The following PARN variants were observed in gnomAD, a reference collection of about 807,000 sequenced individuals.
PARN encodes poly(A)-specific ribonuclease.
Under a neutral mutation model 102.8 loss-of-function variants are expected in PARN, and 71 were observed. That is an observed-to-expected ratio of 0.69 (90% CI 0.57 to 0.84). The LOEUF (loss-of-function observed/expected upper bound fraction) is 0.84. Among genes scored for constraint, PARN ranks in the 40% least tolerant of loss-of-function variants. The pLI is 0.00. For missense variants in PARN, 782 were observed against 760.9 expected, an observed-to-expected ratio of 1.03 and a Z score of -0.33; for synonymous variants, 261 against 252.9, an observed-to-expected ratio of 1.03 and a Z score of -0.30.
intron 21 of PARN, among the ~76,000 whole-genome samples, chr16:14,524,846 G>C (rs1465171415): frequency 6.6e-6 from 1 of 152,052 alleles, no homozygotes; most frequent in African/African-American, 2.4e-5. Context: ...CTATTACCAG[G>C]CAACACAGAA....
At chr16:14,587,010 T>C (rs763281048) in intron 13 of PARN, among the ~76,000 whole-genome samples, 1 of 152,236 alleles carries the variant, frequency 6.6e-6, no homozygotes, top group Non-Finnish European at 1.5e-5. Context: ...GAGAGTCCTC[T>C]AATTTTGAAT....
chr16:14,442,650 C>T (rs1413283150), intron 23 of PARN, among the ~76,000 whole-genome samples: 1 of 142,232 alleles, frequency 7.0e-6, no homozygotes, highest in African/African-American at 2.5e-5. Context: ...TGGAGTCTTG[C>T]TCTGTCACCC....
chr16:14,534,174 G>A (rs1318171965), intron 21 of PARN, among the ~76,000 whole-genome samples: 5 of 148,430 alleles, frequency 3.4e-5, no homozygotes, highest in Admixed American at 6.8e-5. Flanking sequence ...AACCAAGATC[G>A]CGCCACTGCA....
At chr16:14,608,169 A>C in intron 9 of PARN, 112 bp downstream of exon 9, 1 of 769,630 alleles carries the variant, frequency 1.3e-6, no homozygotes, top group Non-Finnish European at 2.1e-6. Context: ...TCATGTAGTC[A>C]AATCACTGAG....
At chr16:14,463,438 GT>G (rs1481661576) in intron 22 of PARN, among the ~76,000 whole-genome samples, 1 of 152,006 alleles carries the variant, frequency 6.6e-6, no homozygotes, top group East Asian at 1.9e-4. Flanking sequence ...AGACTATCAG[GT>G]ATGCAAAAAG....
Position 14,617,445 on chromosome 16 carries a change from G to A in PARN, c.388+145C>T, listed in dbSNP as rs576397368. 199 of 538,194 alleles carry A rather than the reference G, an allele frequency of 3.7e-4. 1 individual carries two copies. The highest frequency in any genetic ancestry group is 3.4e-3 in the African/African-American group (177 of 51,772). The allele number at this position is 538,194 out of a possible 1,614,324, so 33.3% of individuals were successfully genotyped here. ...TTTTAAAAATTCTAAGGCTGCATAT[G>A]TGTACTGGCTGCACATGTATGCTGG... On this transcript the variant is annotated intron_variant, in intron 6 of 23. Coordinates refer to ENST00000437198, the MANE Select transcript of PARN (RefSeq NM_002582.4).
intron 15 of PARN, 83 bp from the exon 16 acceptor site, chr16:14,584,505 A>T: frequency 7.0e-6 from 8 of 1,134,864 alleles, no homozygotes; most frequent in Non-Finnish European, 1.0e-5. Flanking sequence ...CCCCCAAAAA[A>T]AAGACAGCAT....
At chr16:14,539,862 C>T (rs1161820234) in intron 21 of PARN, among the ~76,000 whole-genome samples, 1 of 152,284 alleles carries the variant, frequency 6.6e-6, no homozygotes, top group Non-Finnish European at 1.5e-5. Flanking sequence ...GAAAAAATTG[C>T]GTCTGTACTG....
intron 18 of PARN, among the ~76,000 whole-genome samples, chr16:14,576,701 T>C (rs1969165865): frequency 6.6e-6 from 1 of 152,204 alleles, no homozygotes. Flanking sequence ...ACAGAGTGCA[T>C]TCCACACAGG....
chr16:14,451,872 A>AAAAAAAAAAAAAAAAAAATAC (rs1961471750), intron 22 of PARN, among the ~76,000 whole-genome samples: 2 of 66,056 alleles, frequency 3.0e-5, no homozygotes, highest in Non-Finnish European at 7.1e-5. Context: ...AAAAATACAA[A>AAAAAAAAAAAAAAAAAAATAC]AAAAAAAAAA....
chr16:14,547,897 T>A (rs1159889399), intron 21 of PARN, among the ~76,000 whole-genome samples: 1 of 152,162 alleles, frequency 6.6e-6, no homozygotes, highest in East Asian at 1.9e-4. Context: ...GTTACATTAT[T>A]GACCTAAGAG....
intron 22 of PARN, among the ~76,000 whole-genome samples, chr16:14,474,789 A>C (rs952513063): frequency 6.6e-6 from 1 of 152,102 alleles, no homozygotes; most frequent in African/African-American, 2.4e-5. Context: ...GTCTCTAAGG[A>C]TTTTTCAGTA....
intron 23 of PARN, among the ~76,000 whole-genome samples, chr16:14,445,738 A>G (rs1289790525): frequency 6.6e-6 from 1 of 152,032 alleles, no homozygotes; most frequent in Non-Finnish European, 1.5e-5. Flanking sequence ...AATTTTTTGT[A>G]TTTTTAGTAG....
chr16:14,563,036 T>A (rs1328316087), intron 18 of PARN, among the ~76,000 whole-genome samples: 1 of 152,192 alleles, frequency 6.6e-6, no homozygotes, highest in East Asian at 1.9e-4. Flanking sequence ...GAAAACGAAG[T>A]ATGATATTCA....
At chr16:14,595,348 A>G (rs147927120) in intron 12 of PARN, among the ~76,000 whole-genome samples, 24 of 152,032 alleles carry the variant, frequency 1.6e-4, no homozygotes, top group African/African-American at 2.6e-4. Flanking sequence ...ACCCATGCGC[A>G]CACACACACA....
rs537296124 is a variant in PARN, at chr16:14,551,089, G to A, written c.1480+932C>T. On this transcript the variant is annotated intron_variant, in intron 21 of 23. Transcript: ENST00000437198. ...GCAATTCTCCTGCCTCAGCCATCAC[G>A]CCCAGCTAAATTTTGCATATTTAGT... Among the ~76,000 whole-genome samples the A allele has an allele frequency of 1.1e-4, 17 of 150,964 alleles. No individual in the cohort carries two copies. In the South Asian group the frequency reaches 2.5e-3, roughly 22 times the overall value.
intron 22 of PARN, among the ~76,000 whole-genome samples, chr16:14,468,920 T>TAGAC (rs1555481230): frequency 2.8e-5 from 4 of 143,708 alleles, no homozygotes; most frequent in Non-Finnish European, 4.7e-5. Context: ...GATAGATAGA[T>TAGAC]AGATAAAATA....
chr16:14,474,128 G>A (rs1485061177), intron 22 of PARN, among the ~76,000 whole-genome samples: 1 of 152,098 alleles, frequency 6.6e-6, no homozygotes, highest in East Asian at 1.9e-4. Context: ...GAGTATCTGG[G>A]ACTATAGGCA....
At chr16:14,605,704 T>G (rs966178655) in intron 10 of PARN, among the ~76,000 whole-genome samples, 1 of 152,158 alleles carries the variant, frequency 6.6e-6, no homozygotes, top group Non-Finnish European at 1.5e-5. Flanking sequence ...CAACAAATTA[T>G]AAAATTGAAA....
Sources: gnomAD v4.1 joint callset for allele counts (sites outside exome capture counted in the v4.1 genomes callset) on GRCh38, gnomAD v4.1.1 for gene constraint, MANE v1.5 for transcripts, NCBI Gene and HGNC (gene_info 2026-07-23, HGNC 2026-07-21) for gene names.